Variants in TUSC3 observed in about 807,000 individuals in gnomAD.
The protein encoded by TUSC3 is tumor suppressor candidate 3, also known as dolichyl-diphosphooligosaccharide--protein glycosyltransferase subunit TUSC3.
A neutral mutation model predicts 44.8 loss-of-function variants in TUSC3; 45 were observed. The ratio of observed to expected loss-of-function variants is 1.00; its 90% CI spans 0.79 to 1.29. The LOEUF (loss-of-function observed/expected upper bound fraction) is 1.29. Ranked by LOEUF, TUSC3 falls within the 50% of genes most tolerant of loss-of-function variation. The pLI is 0.00. For missense variants in TUSC3, 519 were observed against 437.9 expected (o/e 1.19, Z -1.65); for synonymous variants, 212 against 152.9 (o/e 1.39, Z -2.85).
At chr8:15,782,997 TAATA>T in the TUSC3 span, among the ~76,000 whole-genome samples, 3 of 152,146 alleles carry the variant, frequency 2.0e-5, no homozygotes, top group African/African-American at 7.2e-5. Context: ...CCGTTATAAC[TAATA>T]AATTTTGTGA....
At chr8:15,802,743 G>C in the TUSC3 span, among the ~76,000 whole-genome samples, 1 of 151,476 alleles carries the variant, frequency 6.6e-6, no homozygotes, top group African/African-American at 2.4e-5. Flanking sequence ...ACATTAATCA[G>C]ATAAAAGAAA....
At chr8:15,621,515 G>A (rs1805243181) in intron 1 of TUSC3, among the ~76,000 whole-genome samples, 1 of 135,130 alleles carries the variant, frequency 7.4e-6, no homozygotes, top group African/African-American at 2.6e-5. Context: ...ATAAATATAT[G>A]TAAAATATAT....
intron 2 of TUSC3, among the ~76,000 whole-genome samples, chr8:15,635,864 C>G (rs538477647): frequency 4.6e-5 from 7 of 152,146 alleles, no homozygotes; most frequent in African/African-American, 1.7e-4. Flanking sequence ...CAGCTTGATT[C>G]CAGATGGTTT....
intron 1 of TUSC3, among the ~76,000 whole-genome samples, chr8:15,459,955 G>A (rs1015307461): frequency 2.0e-5 from 3 of 152,002 alleles, no homozygotes; most frequent in Admixed American, 2.0e-4. Flanking sequence ...CATTTGGGTT[G>A]GTTCCAGAAT....
At chr8:15,647,854 G>A (rs1459263337) in intron 2 of TUSC3, among the ~76,000 whole-genome samples, 1 of 152,022 alleles carries the variant, frequency 6.6e-6, no homozygotes, top group Non-Finnish European at 1.5e-5. Flanking sequence ...ATCTAGTGTT[G>A]CTAATGATCA....
intron 6 of TUSC3, among the ~76,000 whole-genome samples, chr8:15,703,714 C>T (rs936485758): frequency 2.2e-4 from 34 of 152,080 alleles, no homozygotes; most frequent in Non-Finnish European, 8.8e-5. Flanking sequence ...ACCAGATTCT[C>T]TTAAATCATG....
chr8:15,588,607 G>A (rs748612528), intron 1 of TUSC3, among the ~76,000 whole-genome samples: 1 of 152,064 alleles, frequency 6.6e-6, no homozygotes, highest in Non-Finnish European at 1.5e-5. Context: ...TGCTTTTGAA[G>A]TCTTATCAAC....
the TUSC3 span, among the ~76,000 whole-genome samples, chr8:15,792,620 G>C: frequency 2.0e-5 from 3 of 151,380 alleles, no homozygotes; most frequent in Non-Finnish European, 2.9e-5. Context: ...TCGTTTTTTT[G>C]TTTGTTTCTT....
At chr8:15,785,186 G>C in the TUSC3 span, among the ~76,000 whole-genome samples, 7 of 152,198 alleles carry the variant, frequency 4.6e-5, no homozygotes, top group African/African-American at 1.7e-4. Context: ...AGATATCCAT[G>C]TAACCAGTAC....
intron 9 of TUSC3, among the ~76,000 whole-genome samples, chr8:15,750,892 G>A (rs538066539): frequency 1.1e-4 from 16 of 152,226 alleles, no homozygotes; most frequent in Admixed American, 3.9e-4. Flanking sequence ...ATTTTTTAGA[G>A]TGGTTTGTGA....
At chr8:15,638,150 G>A (rs1806177210) in intron 2 of TUSC3, among the ~76,000 whole-genome samples, 1 of 152,072 alleles carries the variant, frequency 6.6e-6, no homozygotes, top group African/African-American at 2.4e-5. Context: ...CTTTCTTGGG[G>A]TGATTCCCAC....
intron 6 of TUSC3, among the ~76,000 whole-genome samples, chr8:15,725,682 C>T (rs112618587): frequency 2.0e-5 from 3 of 152,094 alleles, no homozygotes; most frequent in Admixed American, 6.5e-5. Flanking sequence ...GGCCATTTTA[C>T]ATGTATTATC....
chr8:15,648,859 G>T (rs1186931746), intron 2 of TUSC3, among the ~76,000 whole-genome samples: 1 of 150,502 alleles, frequency 6.6e-6, no homozygotes, highest in Admixed American at 6.6e-5. Flanking sequence ...ACCTGTATGT[G>T]CAGGAGTCCA....
chr8:15,647,413 G>T (rs1384252448), intron 2 of TUSC3, among the ~76,000 whole-genome samples: 1 of 151,874 alleles, frequency 6.6e-6, no homozygotes. Context: ...TATTTTTCCT[G>T]TTGGAATAAA....
chr8:15,603,852 T>C (rs1323195801), intron 1 of TUSC3, among the ~76,000 whole-genome samples: 2 of 151,504 alleles, frequency 1.3e-5, no homozygotes, highest in East Asian at 3.9e-4. Flanking sequence ...AATGAAGATG[T>C]TTTTCCCCTT....
At chr8:15,681,969 T>A (rs1808446520) in intron 6 of TUSC3, among the ~76,000 whole-genome samples, 1 of 152,104 alleles carries the variant, frequency 6.6e-6, no homozygotes, top group Non-Finnish European at 1.5e-5. Context: ...TAATTTTGTG[T>A]TTTTGAGATT....
At chr8:15,786,777 G>A in the TUSC3 span, among the ~76,000 whole-genome samples, 45,230 of 150,866 alleles carry the variant, frequency 0.3, 6,778 homozygotes, top group South Asian at 0.37. Context: ...CCCTGTCTCT[G>A]CTAAAAATTA....
chr8:15,699,172 C>A (rs566453940), intron 6 of TUSC3, among the ~76,000 whole-genome samples: 1 of 152,226 alleles, frequency 6.6e-6, no homozygotes, highest in Admixed American at 6.5e-5. Flanking sequence ...TTTAAATGAA[C>A]AATTTTTTAA....
chr8:15,605,299 C>CT (rs1221071323), intron 1 of TUSC3, among the ~76,000 whole-genome samples: 9 of 151,946 alleles, frequency 5.9e-5, no homozygotes, highest in Non-Finnish European at 1.0e-4. Flanking sequence ...TTTAGTCACT[C>CT]TTTTTTTGCA....
Sources: allele counts gnomAD v4.1 joint callset (sites outside exome capture counted in the v4.1 genomes callset), GRCh38; gene constraint gnomAD v4.1.1; transcripts MANE v1.5; gene names NCBI Gene and HGNC (gene_info 2026-07-23, HGNC 2026-07-21).